The following TSBP1 variants were observed in gnomAD, a reference collection of about 807,000 sequenced individuals.
TSBP1 encodes testis expressed basic protein 1, also known as testis-expressed basic protein 1.
TSBP1 carries 56 observed loss-of-function variants against 68.8 expected under a neutral mutation model. That is an observed-to-expected ratio of 0.81 (90% CI 0.66 to 1.02). The LOEUF (loss-of-function observed/expected upper bound fraction) is 1.02. Ranked by LOEUF, TSBP1 falls within the 50% of genes least tolerant of loss-of-function variation. The pLI is 0.00. For missense variants in TSBP1, 502 were observed against 641.2 expected (o/e 0.78, Z 2.34); for synonymous variants, 171 against 208.7 (o/e 0.82, Z 1.56).
At chr6:32,359,439 G>A (rs1164779599) in intron 6 of TSBP1, among the ~76,000 whole-genome samples, 1 of 152,128 alleles carries the variant, frequency 6.6e-6, no homozygotes, top group Non-Finnish European at 1.5e-5. Flanking sequence ...CTGCATAAAT[G>A]TCTTCTTTTT....
At position 32,316,330 on chromosome 6, in the gene TSBP1, T is replaced by C; in HGVS notation, c.560-538A>G. 1 of 1,342,700 alleles carries C rather than the reference T, an allele frequency of 7.4e-7. No homozygotes were observed. The highest frequency in any genetic ancestry group is 1.0e-6 in the Non-Finnish European group (1 of 957,410). 83.2% of individuals were successfully genotyped at this position (1,342,700 alleles called of 1,614,324 possible). ...GGAATAATGGGAACCACAAATCACT[T>C]TGACAGAAGTGAAGTGAAGGGGACC... On this transcript the variant is annotated intron_variant, in intron 18 of 22. Transcript: ENST00000612031. This position sits in a 1 kb window ranked among gnomAD's most constrained non-coding sequence, Gnocchi z 4.5.
At chr6:32,368,137 G>A (rs984407820) in intron 3 of TSBP1, among the ~76,000 whole-genome samples, 180 bp from the exon 4 acceptor site, 1 of 152,208 alleles carries the variant, frequency 6.6e-6, no homozygotes, top group Non-Finnish European at 1.5e-5. Context: ...ATAAGTGACT[G>A]TGTCAATCAC....
chr6:32,298,882 G>C (rs899654118), intron 22 of TSBP1, among the ~76,000 whole-genome samples: 1 of 152,190 alleles, frequency 6.6e-6, no homozygotes, highest in Non-Finnish European at 1.5e-5. Flanking sequence ...CATATATTAA[G>C]TAATCCCAAT....
rs1168275628 is a variant in TSBP1 at position 32,332,071 on chromosome 6, A to T, written c.473-17T>A. On this transcript the variant is annotated splice_polypyrimidine_tract_variant and intron_variant, in intron 14 of 22. Coordinates refer to ENST00000612031, the Ensembl canonical transcript of TSBP1. ...GAGTTTGCACTAAAAAGAAATTCAA[A>T]TTGGCATATTAGTACAGTTATTTGG... The T allele has an allele frequency of 6.3e-7, 1 of 1,582,974 alleles. No individual in the cohort carries two copies. The highest frequency in any genetic ancestry group is 1.1e-5 in the South Asian group (1 of 90,394).
intron 1 of TSBP1, 27 bp from the exon 2 acceptor site, chr6:32,370,010 A>G (rs1382547334): frequency 3.5e-6 from 5 of 1,440,174 alleles, no homozygotes; most frequent in Non-Finnish European, 4.9e-6. Context: ...ACCTGTAAAC[A>G]TGCTTATTTA....
rs1769994801 is a variant in TSBP1 at position 32,338,917 on chromosome 6, C to A, written c.409+62G>T. 1 of 1,268,940 alleles carries A rather than the reference C, an allele frequency of 7.9e-7. No homozygotes were observed. The highest frequency in any genetic ancestry group is 1.5e-5 in the African/African-American group (1 of 68,134). The allele number at this position is 1,268,940 out of a possible 1,614,324, so 78.6% of individuals were successfully genotyped here. A position where few individuals can be genotyped will look rare whatever the true frequency, so the allele number is the denominator to read the frequency against. On this transcript the variant is annotated intron_variant, in intron 11 of 22. Coordinates refer to ENST00000612031, the Ensembl canonical transcript of TSBP1. The surrounding 1 kb of genome is among the most constrained non-coding windows in gnomAD (Gnocchi z 5.5). Reference sequence around the variant, plus strand: ...AAAATCTAGGAATATGAGTGTCTTACATATTCTAACAGTTTAGTAAAGCAA... The same window carrying A: ...AAAATCTAGGAATATGAGTGTCTTAAATATTCTAACAGTTTAGTAAAGCAA...
chr6:32,328,450 C>CT (rs1323817752), intron 16 of TSBP1, among the ~76,000 whole-genome samples: 1 of 151,644 alleles, frequency 6.6e-6, no homozygotes, highest in Non-Finnish European at 1.5e-5. Flanking sequence ...GAGTCTCACT[C>CT]TGTCACCCAG....
chr6:32,329,589 A>G (rs1417146629), intron 16 of TSBP1, among the ~76,000 whole-genome samples: 1 of 152,148 alleles, frequency 6.6e-6, no homozygotes, highest in Non-Finnish European at 1.5e-5. Context: ...CCCTCTACAC[A>G]TTTTGGGTTT....
At chr6:32,370,861 G>GAGAA in intron 1 of TSBP1, among the ~76,000 whole-genome samples, 1 of 151,134 alleles carries the variant, frequency 6.6e-6, no homozygotes, top group South Asian at 2.1e-4. Flanking sequence ...AGAAAAGAGA[G>GAGAA]AGAGAGAGAA....
intron 18 of TSBP1, chr6:32,320,133 T>G (rs1165392634): frequency 2.2e-6 from 1 of 455,654 alleles, no homozygotes; most frequent in African/African-American, 2.0e-5. Flanking sequence ...TTGGGGGCTA[T>G]CTTTCATGGA....
At chr6:32,323,644 GT>G in intron 16 of TSBP1, 30 bp from the exon 18 acceptor site, 1 of 1,609,256 alleles carries the variant, frequency 6.2e-7, no homozygotes, top group Non-Finnish European at 8.5e-7. Context: ...CTTAGCAACT[GT>G]TTTTTCTCCC....
At chr6:32,303,612 C>T (rs1329427783) in intron 19 of TSBP1, among the ~76,000 whole-genome samples, 1 of 151,784 alleles carries the variant, frequency 6.6e-6, no homozygotes, top group Non-Finnish European at 1.5e-5. Flanking sequence ...TTTTAATGTA[C>T]TCTGGTAATC....
chr6:32,363,984 C>A (rs537352665), intron 6 of TSBP1, among the ~76,000 whole-genome samples: 1 of 152,128 alleles, frequency 6.6e-6, no homozygotes, highest in Non-Finnish European at 1.5e-5. Context: ...TTTCTCAGAT[C>A]TGAAAAACAG....
chr6:32,316,996 G>C lies in TSBP1; in HGVS notation c.560-1204C>G, dbSNP rs116528376. On this transcript the variant is annotated intron_variant, in intron 18 of 22. Coordinates refer to ENST00000612031, the Ensembl canonical transcript of TSBP1. The surrounding 1 kb of genome is among the most constrained non-coding windows in gnomAD (Gnocchi z 4.5). ...TGAGACTGGCCACTAGGAGAGGAGAGGGTTTTAAGAGGGGTTGGCCTGAGT... is the reference window on the plus strand; with the variant it reads ...TGAGACTGGCCACTAGGAGAGGAGACGGTTTTAAGAGGGGTTGGCCTGAGT... Among the ~76,000 whole-genome samples the C allele has an allele frequency of 0.014, 2,072 of 152,220 alleles. 35 individuals are homozygous for C. The highest frequency in any genetic ancestry group is 0.031 in the Admixed American group (475 of 15,290).
chr6:32,367,299 G>T (rs1200006699), intron 4 of TSBP1, among the ~76,000 whole-genome samples: 2 of 151,342 alleles, frequency 1.3e-5, no homozygotes, highest in Non-Finnish European at 2.9e-5. Context: ...AACATCTATA[G>T]GCAGCCCTGG....
intron 6 of TSBP1, among the ~76,000 whole-genome samples, chr6:32,363,187 C>T (rs1228012019): frequency 1.3e-5 from 2 of 151,992 alleles, no homozygotes; most frequent in African/African-American, 4.8e-5. Flanking sequence ...TATAGCCACC[C>T]CTACCGTCTT....
chr6:32,338,909 G>A lies in TSBP1; in HGVS notation c.409+70C>T, dbSNP rs770960663. On this transcript the variant is annotated intron_variant, in intron 11 of 22. Transcript: ENST00000612031. This position sits in a 1 kb window ranked among gnomAD's most constrained non-coding sequence, Gnocchi z 5.5. ...GAAATAAAAAAATCTAGGAATATGAGTGTCTTACATATTCTAACAGTTTAG... is the reference window on the plus strand; with the variant it reads ...GAAATAAAAAAATCTAGGAATATGAATGTCTTACATATTCTAACAGTTTAG... 7.0e-6 allele frequency: 8 copies of A among 1,137,656 alleles called. No individual in the cohort carries two copies. The highest frequency in any genetic ancestry group is 1.1e-5 in the Non-Finnish European group (8 of 747,190). 70.5% of individuals were successfully genotyped at this position (1,137,656 alleles called of 1,614,324 possible).
At chr6:32,356,651 C>G (rs1162638386) in intron 6 of TSBP1, among the ~76,000 whole-genome samples, 2 of 151,630 alleles carry the variant, frequency 1.3e-5, no homozygotes, top group Admixed American at 1.3e-4. Flanking sequence ...GCCCGGGAGA[C>G]GGAGATTGCA....
rs4348357 is a variant in TSBP1, at chr6:32,323,582, T to G, written c.538+9A>C. 0.69 allele frequency: 1,102,939 copies of G among 1,609,304 alleles called. 380,574 individuals carry two copies. Among genetic ancestry groups the G allele is most frequent in the South Asian group, 0.81 (74,047 of 90,938 alleles). ...AACAGAAAAGAGTAGAAAAAGAAAT[T>G]GAACTTACCGCGGGGTGCTGAAGGT... On this transcript the variant is annotated intron_variant, in intron 17 of 22. Coordinates refer to ENST00000612031, the Ensembl canonical transcript of TSBP1.
Sources: gnomAD v4.1 joint callset for allele counts (sites outside exome capture counted in the v4.1 genomes callset) on GRCh38, gnomAD v4.1.1 for gene constraint, Gnocchi (gnomAD v3.1) non-coding constraint, MANE v1.5 for transcripts, NCBI Gene and HGNC (gene_info 2026-07-23, HGNC 2026-07-21) for gene names.